The following SORCS3 variants were observed in gnomAD, a reference collection of about 807,000 sequenced individuals.
SORCS3 encodes the protein sortilin related VPS10 domain containing receptor 3.
SORCS3 carries 57 observed loss-of-function variants against 146.3 expected under a neutral mutation model. The ratio of observed to expected loss-of-function variants is 0.39; its 90% CI spans 0.31 to 0.49. The LOEUF (loss-of-function observed/expected upper bound fraction) is 0.49. SORCS3 is among the 20% of genes least tolerant of loss of function. SORCS3 has a pLI of 0.92. For synonymous variants in SORCS3, 653 were observed against 618.5 expected (o/e 1.06, Z -0.83); for missense variants, 1,341 against 1,575.5 (o/e 0.85, Z 2.52).
At chr10:105,125,478 G>T (rs993908756) in intron 7 of SORCS3, among the ~76,000 whole-genome samples, 8 of 152,120 alleles carry the variant, frequency 5.3e-5, no homozygotes, top group African/African-American at 1.9e-4. Context: ...AGATTTTGAT[G>T]TAACCATTTT....
chr10:105,057,538 G>A (rs2055453715), intron 5 of SORCS3, among the ~76,000 whole-genome samples: 1 of 152,126 alleles, frequency 6.6e-6, no homozygotes, highest in Non-Finnish European at 1.5e-5. Context: ...GTGACCCATT[G>A]CTCTATCAGT....
At chr10:105,262,193 T>C in intron 25 of SORCS3, 138 bp from the exon 26 acceptor site, 2 of 751,994 alleles carry the variant, frequency 2.7e-6, no homozygotes, top group Non-Finnish European at 4.4e-6. Flanking sequence ...TCATTGTCTC[T>C]GGGGTTACCA....
At chr10:104,864,251 T>A (rs141459940) in intron 2 of SORCS3, among the ~76,000 whole-genome samples, 162 of 152,234 alleles carry the variant, frequency 1.1e-3, no homozygotes, top group African/African-American at 3.5e-3. Context: ...CTTAAAAAAA[T>A]TTTTAAAAAG....
At chr10:104,872,199 T>C (rs1258986777) in intron 2 of SORCS3, among the ~76,000 whole-genome samples, 1 of 152,174 alleles carries the variant, frequency 6.6e-6, no homozygotes, top group African/African-American at 2.4e-5. Context: ...TAATCATAAT[T>C]GGGAAAGTAC....
At chr10:105,056,268 T>C (rs977522160) in intron 5 of SORCS3, among the ~76,000 whole-genome samples, 3 of 152,182 alleles carry the variant, frequency 2.0e-5, no homozygotes, top group African/African-American at 7.2e-5. Context: ...GCTGGATAAT[T>C]GTCATTTGCA....
At chr10:104,998,074 C>T (rs148040031) in intron 4 of SORCS3, among the ~76,000 whole-genome samples, 1 of 152,198 alleles carries the variant, frequency 6.6e-6, no homozygotes, top group Non-Finnish European at 1.5e-5. Context: ...GTGCTCAATA[C>T]ATACCTGATG....
intron 1 of SORCS3, among the ~76,000 whole-genome samples, chr10:104,807,493 G>A (rs575520474): frequency 1.3e-5 from 2 of 149,282 alleles, no homozygotes; most frequent in South Asian, 2.2e-4. Context: ...ATCAGGGCAA[G>A]GTAAAAAATA....
chr10:104,987,440 C>T (rs1202877608), intron 4 of SORCS3, among the ~76,000 whole-genome samples: 1 of 152,084 alleles, frequency 6.6e-6, no homozygotes, highest in Non-Finnish European at 1.5e-5. Context: ...AGTTATAAGG[C>T]AGTGCTCTTA....
At position 105,264,959 on chromosome 10, in the gene SORCS3, C is replaced by G. The variant is rs2056983150; in HGVS notation, c.*1585C>G. 6.6e-6 allele frequency: 1 copy of G among 152,500 alleles called. No homozygotes were observed. The highest frequency in any genetic ancestry group is 6.6e-5 in the Admixed American group (1 of 15,266). 9.4% of individuals were successfully genotyped at this position (152,500 alleles called of 1,614,324 possible). A position where few individuals can be genotyped will look rare whatever the true frequency, so the allele number is the denominator to read the frequency against. ...GTTGTTCCCATTCTTCTTTGTGAGACAGAGAGAATGTGATATAGAGAAATC... is the reference window on the plus strand; with the variant it reads ...GTTGTTCCCATTCTTCTTTGTGAGAGAGAGAGAATGTGATATAGAGAAATC... On this transcript the variant is annotated 3_prime_UTR_variant, in exon 27 of 27. Coordinates refer to ENST00000369701, the MANE Select transcript of SORCS3 (RefSeq NM_014978.3).
At chr10:105,071,300 C>A (rs2055554781) in intron 5 of SORCS3, among the ~76,000 whole-genome samples, 2 of 152,162 alleles carry the variant, frequency 1.3e-5, no homozygotes, top group African/African-American at 4.8e-5. Flanking sequence ...TATTAGAATC[C>A]TGGCTAAAAT....
At chr10:104,792,952 T>C (rs2017512170) in intron 1 of SORCS3, among the ~76,000 whole-genome samples, 3 of 152,200 alleles carry the variant, frequency 2.0e-5, no homozygotes, top group Non-Finnish European at 4.4e-5. Flanking sequence ...ATAAGTGGTC[T>C]CACTGCACCA....
intron 3 of SORCS3, among the ~76,000 whole-genome samples, chr10:104,940,226 ATATATATATATATTTTTT>A (rs1421969838): frequency 0.017 from 579 of 34,480 alleles, 16 homozygotes; most frequent in African/African-American, 0.052. Flanking sequence ...ATATATATAT[ATATATATATATATTTTTT>A]TTTTTTTTTT....
intron 4 of SORCS3, among the ~76,000 whole-genome samples, chr10:105,027,853 A>G (rs972842191): frequency 6.6e-6 from 1 of 152,204 alleles, no homozygotes; most frequent in African/African-American, 2.4e-5. Context: ...TTGTGGAGAA[A>G]CACATGTGGT....
At chr10:105,060,922 A>G (rs2055481650) in intron 5 of SORCS3, among the ~76,000 whole-genome samples, 1 of 150,734 alleles carries the variant, frequency 6.6e-6, no homozygotes, top group Admixed American at 6.7e-5. Flanking sequence ...GGCCAACAAG[A>G]GTGAAACTCC....
At chr10:105,210,862 C>T (rs2056629231) in intron 16 of SORCS3, among the ~76,000 whole-genome samples, 1 of 152,112 alleles carries the variant, frequency 6.6e-6, no homozygotes, top group African/African-American at 2.4e-5. Flanking sequence ...AATGTACCTG[C>T]CACATTATTT....
intron 3 of SORCS3, among the ~76,000 whole-genome samples, chr10:104,955,391 C>A (rs1011221190): frequency 1.3e-5 from 2 of 151,826 alleles, no homozygotes; most frequent in Non-Finnish European, 2.9e-5. Context: ...GAGTGTTTAC[C>A]AAAATCAGTT....
chr10:104,763,224 T>C (rs931419221), intron 1 of SORCS3, among the ~76,000 whole-genome samples: 10 of 152,222 alleles, frequency 6.6e-5, no homozygotes, highest in African/African-American at 2.2e-4. Flanking sequence ...TTCTTACGCA[T>C]GCTAGATTTG....
intron 4 of SORCS3, among the ~76,000 whole-genome samples, chr10:104,995,172 T>TTC (rs1472410706): frequency 6.6e-6 from 1 of 150,832 alleles, no homozygotes; most frequent in African/African-American, 2.4e-5. Flanking sequence ...CTCTTTTTTT[T>TTC]TTTTTGGGAT....
intron 4 of SORCS3, among the ~76,000 whole-genome samples, chr10:105,006,994 G>A (rs973812782): frequency 1.3e-5 from 2 of 152,210 alleles, no homozygotes; most frequent in African/African-American, 4.8e-5. Flanking sequence ...TGCATAGGAT[G>A]GGTGATCTAG....
Sources: allele counts gnomAD v4.1 joint callset (sites outside exome capture counted in the v4.1 genomes callset), GRCh38; gene constraint gnomAD v4.1.1; transcripts MANE v1.5; gene names NCBI Gene and HGNC (gene_info 2026-07-23, HGNC 2026-07-21).